The following ZNG1A variants were observed in gnomAD, a reference collection of about 807,000 sequenced individuals.
ZNG1A encodes zinc-regulated GTPase metalloprotein activator 1A.
the ZNG1A span, among the ~76,000 whole-genome samples, chr9:142,129 T>A: frequency 6.7e-6 from 1 of 148,472 alleles, no homozygotes. Context: ...ATTAGACAGA[T>A]CAATGAGACA....
the ZNG1A span, chr9:163,946 G>C: frequency 6.5e-7 from 1 of 1,545,534 alleles, no homozygotes; most frequent in Non-Finnish European, 8.7e-7. Context: ...AAAAAAACAA[G>C]AAAGATAAAA....
At chr9:174,647 C>T in the ZNG1A span, among the ~76,000 whole-genome samples, 1 of 149,682 alleles carries the variant, frequency 6.7e-6, no homozygotes, top group Admixed American at 6.6e-5. Context: ...TTATTAAAAC[C>T]AGAAATCGAA....
the ZNG1A span, among the ~76,000 whole-genome samples, chr9:143,030 T>G: frequency 6.8e-6 from 1 of 146,462 alleles, no homozygotes; most frequent in Non-Finnish European, 1.5e-5. Flanking sequence ...AATAACAGGA[T>G]CTGAAATTGT....
chr9:137,525 G>T, the ZNG1A span, among the ~76,000 whole-genome samples: 2 of 152,152 alleles, frequency 1.3e-5, no homozygotes, highest in South Asian at 4.2e-4. Flanking sequence ...GGATGAAAGG[G>T]ATCATGGCTA....
the ZNG1A span, among the ~76,000 whole-genome samples, chr9:138,560 A>G: frequency 6.7e-6 from 1 of 149,208 alleles, no homozygotes; most frequent in Non-Finnish European, 1.5e-5. Context: ...AAACTAGTTG[A>G]AAGTAGAATC....
chr9:138,563 G>A, the ZNG1A span, among the ~76,000 whole-genome samples: 4 of 148,888 alleles, frequency 2.7e-5, no homozygotes, highest in African/African-American at 1.0e-4. Flanking sequence ...CTAGTTGAAA[G>A]TAGAATCAGT....
chr9:151,024 C>T, the ZNG1A span: 1 of 984,958 alleles, frequency 1.0e-6, no homozygotes, highest in African/African-American at 1.8e-5. Context: ...AGGAAGAGGA[C>T]AGATACTGAG....
At chr9:159,571 G>T in the ZNG1A span, among the ~76,000 whole-genome samples, 3 of 151,840 alleles carry the variant, frequency 2.0e-5, no homozygotes, top group Non-Finnish European at 4.4e-5. Flanking sequence ...CAATAAAGCT[G>T]GGGGGGTTAG....
the ZNG1A span, among the ~76,000 whole-genome samples, chr9:177,502 T>C: frequency 6.7e-6 from 1 of 150,126 alleles, no homozygotes. Context: ...TAGCTAAAGA[T>C]GGACAAAGGG....
the ZNG1A span, among the ~76,000 whole-genome samples, chr9:175,090 A>G: frequency 6.6e-6 from 1 of 152,080 alleles, no homozygotes; most frequent in Non-Finnish European, 1.5e-5. Flanking sequence ...TAAAAAAAAC[A>G]TTTTTTCGCC....
the ZNG1A span, among the ~76,000 whole-genome samples, chr9:138,791 C>T: frequency 6.7e-6 from 1 of 149,190 alleles, no homozygotes; most frequent in African/African-American, 2.5e-5. Context: ...GTGGTCCCAG[C>T]TTCTTGGGAG....
chr9:165,189 T>C, the ZNG1A span, among the ~76,000 whole-genome samples: 2 of 152,136 alleles, frequency 1.3e-5, no homozygotes, highest in African/African-American at 4.8e-5. Context: ...AAAACATGAT[T>C]TTAATTAATG....
At chr9:169,890 G>T in the ZNG1A span, among the ~76,000 whole-genome samples, 2 of 90,252 alleles carry the variant, frequency 2.2e-5, no homozygotes, top group African/African-American at 4.5e-5. Flanking sequence ...TAAGAAATGG[G>T]GTCTCATGCT....
chr9:174,117 A>C, the ZNG1A span, among the ~76,000 whole-genome samples: 2 of 150,580 alleles, frequency 1.3e-5, no homozygotes, highest in Non-Finnish European at 3.0e-5. Context: ...ACTGCACTCC[A>C]GCCTGGGCAA....
chr9:175,877 C>T, the ZNG1A span: 8,718 of 1,372,498 alleles, frequency 6.4e-3, 814 homozygotes, highest in African/African-American at 0.12. Flanking sequence ...TGAGAATTTG[C>T]GTGCTATTTT....
At chr9:143,098 T>C in the ZNG1A span, among the ~76,000 whole-genome samples, 63,053 of 130,084 alleles carry the variant, frequency 0.48, 16,306 homozygotes, top group African/African-American at 0.61. Flanking sequence ...GATTCACAGC[T>C]GAATTCTACC....
the ZNG1A span, chr9:167,009 G>A: frequency 1.3e-5 from 2 of 151,780 alleles, no homozygotes; most frequent in Admixed American, 1.3e-4. Flanking sequence ...TATAATTTAG[G>A]GAAAAATGAT....
the ZNG1A span, among the ~76,000 whole-genome samples, chr9:173,580 C>T: frequency 2.0e-5 from 3 of 152,196 alleles, no homozygotes; most frequent in African/African-American, 4.8e-5. Context: ...GAAAAAGACA[C>T]ATCCTAAACT....
At chr9:129,838 A>T in the ZNG1A span, among the ~76,000 whole-genome samples, 1 of 149,130 alleles carries the variant, frequency 6.7e-6, no homozygotes, top group Non-Finnish European at 1.5e-5. Flanking sequence ...CACAATAAAA[A>T]ATATACAGTC....
Sources: gnomAD v4.1 joint callset for allele counts (sites outside exome capture counted in the v4.1 genomes callset) on GRCh38, gnomAD v4.1.1 for gene constraint, MANE v1.5 for transcripts, NCBI Gene and HGNC (gene_info 2026-07-23, HGNC 2026-07-21) for gene names.